HSPA14: variants seen among roughly 807,000 people sequenced by gnomAD.
HSPA14 encodes the protein heat shock 70 kDa protein 14.
A neutral mutation model predicts 65.5 loss-of-function variants in HSPA14; 37 were observed. That is an observed-to-expected ratio of 0.56 (90% confidence interval 0.43 to 0.74). HSPA14 has a LOEUF of 0.74. HSPA14 is among the 30% of genes least tolerant of loss of function. The pLI is 0.00. For synonymous variants in HSPA14, 203 were observed against 214.2 expected (o/e 0.95, Z 0.46); for missense variants, 564 against 607.6 (o/e 0.93, Z 0.75).
rs185597868 is a variant in HSPA14 at position 14,841,491 on chromosome 10, G to A, written c.221+1334G>A. On this transcript the variant is annotated intron_variant, in intron 3 of 13. Transcript: ENST00000378372. Reference sequence around the variant, plus strand: ...ATTGCTGGATTCACCACCTCTCCCCGTGGTTATATCTTGCAAAATTATAGT... The same window carrying A: ...ATTGCTGGATTCACCACCTCTCCCCATGGTTATATCTTGCAAAATTATAGT... Among the ~76,000 whole-genome samples, 20 of 152,172 alleles carry A rather than the reference G, an allele frequency of 1.3e-4. 1 individual carries two copies. In the East Asian group the frequency reaches 3.5e-3, roughly 26 times the overall value.
chr10:14,844,273 A>G (rs1425667438), intron 3 of HSPA14: 9 of 1,080,856 alleles, frequency 8.3e-6, no homozygotes, highest in Non-Finnish European at 9.1e-6. Flanking sequence ...TAGTTCATAG[A>G]TGTGAAAGGG....
intron 12 of HSPA14, among the ~76,000 whole-genome samples, chr10:14,868,730 G>C (rs748334898): frequency 2.6e-5 from 4 of 152,182 alleles, no homozygotes; most frequent in African/African-American, 7.2e-5. Context: ...ACCAAGAGGG[G>C]TTTTTTGACT....
intron 3 of HSPA14, chr10:14,843,472 G>C: frequency 6.4e-7 from 1 of 1,550,550 alleles, no homozygotes; most frequent in East Asian, 2.4e-5. Context: ...GGGTGTGTCC[G>C]GGGAGCCCAG....
chr10:14,841,099 TTA>T (rs1443079566), intron 3 of HSPA14: 1 of 152,176 alleles, frequency 6.6e-6, no homozygotes, highest in Non-Finnish European at 1.5e-5. Flanking sequence ...TCTTACCTGT[TTA>T]TCTTATTTTC....
rs12241165 is a variant in HSPA14 at position 14,855,819 on chromosome 10, G to C, written c.891-22G>C. 3.6e-3 allele frequency: 4,133 copies of C among 1,153,488 alleles called. 125 individuals carry two copies. In the African/African-American group the frequency reaches 0.056, roughly 16 times the overall value. The allele number at this position is 1,153,488 out of a possible 1,614,324, so 71.5% of individuals were successfully genotyped here. A position where few individuals can be genotyped will look rare whatever the true frequency, so the allele number is the denominator to read the frequency against. On this transcript the variant is annotated intron_variant, in intron 9 of 13. Coordinates refer to ENST00000378372, the MANE Select transcript of HSPA14 (RefSeq NM_016299.4). The stretch of plus-strand genomic sequence containing the variant: ...CTTGTCCCTGTGTCTGTGTGTTTCT[G>C]TGTGTGTGTATGTGTGTACAGAGCA...
intron 3 of HSPA14, among the ~76,000 whole-genome samples, chr10:14,841,625 GT>G (rs1056192623): frequency 1.3e-5 from 2 of 152,150 alleles, no homozygotes; most frequent in African/African-American, 4.8e-5. Flanking sequence ...TTATGCTGCT[GT>G]TTGAGGGCAC....
chr10:14,862,978 T>C (rs765047092), intron 10 of HSPA14, among the ~76,000 whole-genome samples: 6 of 152,206 alleles, frequency 3.9e-5, no homozygotes, highest in Admixed American at 1.3e-4. Context: ...GCCACTGCGC[T>C]TGGCCTTTTC....
Position 14,871,511 on chromosome 10 carries a change from T to A in HSPA14, c.1452-17T>A, listed in dbSNP as rs1252873015. ...AAATGAGCTTGTGCAATGTTCTTTA[T>A]TTTTTTGTCTGTTTAGGGATGGATC... On this transcript the variant is annotated splice_polypyrimidine_tract_variant and intron_variant, in intron 13 of 13. Transcript: ENST00000378372. The A allele has an allele frequency of 9.4e-6, 14 of 1,491,212 alleles. No individual in the cohort carries two copies. Among genetic ancestry groups the A allele is most frequent in the Non-Finnish European group, 1.3e-5 (14 of 1,083,340 alleles). The allele number at this position is 1,491,212 out of a possible 1,614,324, so 92.4% of individuals were successfully genotyped here. A position where few individuals can be genotyped will look rare whatever the true frequency, so the allele number is the denominator to read the frequency against.
rs1452998255 is a variant in HSPA14, at chr10:14,867,311, G to A, written c.1206+16G>A. On this transcript the variant is annotated intron_variant, in intron 11 of 13. Transcript: ENST00000378372. ...TTTAGTTAAGGTATGTTTAGCTTTT[G>A]TATACTAGTTAAGGTATGTTTAGCT... 2.0e-6 allele frequency: 3 copies of A among 1,535,968 alleles called. No homozygotes were observed. The highest frequency in any genetic ancestry group is 1.1e-5 in the South Asian group (1 of 89,346).
At chr10:14,859,018 C>T (rs1178639900) in intron 10 of HSPA14, among the ~76,000 whole-genome samples, 1 of 152,070 alleles carries the variant, frequency 6.6e-6, no homozygotes, top group African/African-American at 2.4e-5. Flanking sequence ...AAGAAATTCT[C>T]TCATCTCTTG....
At chr10:14,854,379 AT>A in intron 9 of HSPA14, 99 bp downstream of exon 9, 1 of 982,406 alleles carries the variant, frequency 1.0e-6, no homozygotes, top group Non-Finnish European at 1.5e-6. Context: ...TTTGTTTGAG[AT>A]TTATCAACCA....
chr10:14,871,731 T>C lies in HSPA14; in HGVS notation c.*125T>C. 7.8e-6 allele frequency: 4 copies of C among 509,688 alleles called. No homozygotes were observed. Among genetic ancestry groups the C allele is most frequent in the Non-Finnish European group, 1.4e-5 (4 of 290,624 alleles). The allele number at this position is 509,688 out of a possible 1,614,324, so 31.6% of individuals were successfully genotyped here. A position where few individuals can be genotyped will look rare whatever the true frequency, so the allele number is the denominator to read the frequency against. On this transcript the variant is annotated 3_prime_UTR_variant, in exon 14 of 14. Coordinates refer to ENST00000378372, the MANE Select transcript of HSPA14 (RefSeq NM_016299.4). The stretch of plus-strand genomic sequence containing the variant: ...TAAACTATGTTTTATTAAACTACAA[T>C]ATATCAGTAAGTGTTGCAACCCTTT...
At chr10:14,860,805 T>A (rs561595607) in intron 10 of HSPA14, among the ~76,000 whole-genome samples, 213 of 152,140 alleles carry the variant, frequency 1.4e-3, no homozygotes, top group African/African-American at 4.9e-3. Context: ...TGGAGACATG[T>A]TTGTCCACAC....
chr10:14,848,735 CTT>C (rs991975247), intron 4 of HSPA14, 53 bp from the exon 5 acceptor site: 3 of 1,453,324 alleles, frequency 2.1e-6, no homozygotes, highest in African/African-American at 1.4e-5. Flanking sequence ...TGATTTGAAA[CTT>C]TGCATTTTTA....
intron 3 of HSPA14, chr10:14,843,699 G>C (rs1216983979): frequency 6.5e-7 from 1 of 1,540,970 alleles, no homozygotes; most frequent in Admixed American, 2.0e-5. Context: ...TCTCAAAGCG[G>C]GAGGAAGAAA....
chr10:14,864,869 T>TTCTAAACTAGTTTAGA (rs1178890676), intron 10 of HSPA14, among the ~76,000 whole-genome samples: 4 of 152,340 alleles, frequency 2.6e-5, no homozygotes, highest in African/African-American at 9.6e-5. Context: ...CAAATGGTAT[T>TTCTAAACTAGTTTAGA]TCTAGTTTAG....
At position 14,842,692 on chromosome 10, in the gene HSPA14, C is replaced by G. The variant is rs971800307; in HGVS notation, c.221+2535C>G. Reference sequence around the variant, plus strand: ...CTGACGCCCCAGGGGAAGAGGGAACCGGCATTCTAAAATCAAAAAGGACTC... The same window carrying G: ...CTGACGCCCCAGGGGAAGAGGGAACGGGCATTCTAAAATCAAAAAGGACTC... On this transcript the variant is annotated intron_variant, in intron 3 of 13. Coordinates refer to ENST00000378372, the MANE Select transcript of HSPA14 (RefSeq NM_016299.4). The surrounding 1 kb of genome is among the most constrained non-coding windows in gnomAD (Gnocchi z 5.2). 4 of 1,536,306 alleles carry G rather than the reference C, an allele frequency of 2.6e-6. No individual in the cohort carries two copies. The Admixed American group carries it at 7.8e-5, about 30-fold the overall frequency.
rs1410219586 is a variant in HSPA14 at position 14,851,382 on chromosome 10, G to C, written c.572+59G>C. The stretch of plus-strand genomic sequence containing the variant: ...AGTGCAGAAAACATTTTAGATTATA[G>C]AGATTATATCAGTAAAGATTATTAT... On this transcript the variant is annotated intron_variant, in intron 7 of 13. Coordinates refer to ENST00000378372, the MANE Select transcript of HSPA14 (RefSeq NM_016299.4). 3 of 934,864 alleles carry C rather than the reference G, an allele frequency of 3.2e-6. No individual in the cohort carries two copies. The East Asian group carries it at 7.2e-5, about 22-fold the overall frequency. 57.9% of individuals were successfully genotyped at this position (934,864 alleles called of 1,614,324 possible). A position where few individuals can be genotyped will look rare whatever the true frequency, so the allele number is the denominator to read the frequency against.
chr10:14,855,807 CTG>C (rs753699266), intron 9 of HSPA14, 32 bp from the exon 10 acceptor site: 1 of 1,043,442 alleles, frequency 9.6e-7, no homozygotes, highest in South Asian at 1.4e-5. Flanking sequence ...GTCCCTGTGT[CTG>C]TGTGTTTCTG....
Sources: allele counts gnomAD v4.1 joint callset (sites outside exome capture counted in the v4.1 genomes callset), GRCh38; gene constraint gnomAD v4.1.1; non-coding constraint Gnocchi (gnomAD v3.1); transcripts MANE v1.5; gene names NCBI Gene and HGNC (gene_info 2026-07-23, HGNC 2026-07-21).